The following ABLIM1 variants were observed in gnomAD, a reference collection of about 807,000 sequenced individuals.
The protein encoded by ABLIM1 is actin binding LIM protein 1.
In ABLIM1, 40 loss-of-function variants were observed where a neutral mutation model predicts 107.0. That is an observed-to-expected ratio of 0.37 (90% CI 0.29 to 0.49). The LOEUF (loss-of-function observed/expected upper bound fraction) is 0.49, where lower values mean the gene tolerates loss of function less well. Ranked by LOEUF, ABLIM1 falls within the 20% of genes least tolerant of loss-of-function variation. ABLIM1 has a pLI of 0.97. For synonymous variants in ABLIM1, 357 were observed against 357.3 expected (o/e 1.00, Z 0.01); for missense variants, 857 against 1,008.5 (o/e 0.85, Z 2.04).
intron 18 of ABLIM1, 133 bp downstream of exon 18, chr10:114,441,589 A>C: frequency 1.3e-6 from 1 of 744,848 alleles, no homozygotes; most frequent in Non-Finnish European, 2.2e-6. Flanking sequence ...CTAGGCAACC[A>C]GGGAGGTTAA....
rs139622233 is a variant in ABLIM1 at position 114,705,707 on chromosome 10, C to T, written c.-213+62354G>A. On this transcript the variant is annotated intron_variant, in intron 1 of 15. Coordinates refer to the ABLIM1 transcript ENST00000651092. ...AGTCTCTCTAAAATTCAGTGCAATG[C>T]CAAAGCAGAAAAGGTTAAGAAACTG... Among the ~76,000 whole-genome samples, 66 of 152,206 alleles carry T rather than the reference C, an allele frequency of 4.3e-4. 1 individual carries two copies. The East Asian group carries it at 6.4e-3, about 15-fold the overall frequency.
intron 1 of ABLIM1, among the ~76,000 whole-genome samples, chr10:114,639,010 A>T (rs1252370129): frequency 1.3e-5 from 2 of 152,214 alleles, no homozygotes; most frequent in Non-Finnish European, 2.9e-5. Context: ...AGTTAAAATT[A>T]AAAACAATTT....
At chr10:114,790,301 T>A in the ABLIM1 span, among the ~76,000 whole-genome samples, 2 of 151,342 alleles carry the variant, frequency 1.3e-5, no homozygotes, top group East Asian at 3.9e-4. Flanking sequence ...GTCAAAATTA[T>A]AAGAGCAGAT....
intron 1 of ABLIM1, among the ~76,000 whole-genome samples, chr10:114,761,315 T>C (rs1415690108): frequency 6.7e-6 from 1 of 149,430 alleles, no homozygotes; most frequent in Admixed American, 6.7e-5. Flanking sequence ...TCCGCCCACA[T>C]TCTAACCTTG....
intron 4 of ABLIM1, among the ~76,000 whole-genome samples, chr10:114,559,438 C>CAAAAAAAAAAAAAAAA (rs72456292): frequency 1.6e-4 from 8 of 49,324 alleles, no homozygotes; most frequent in East Asian, 6.3e-4. Flanking sequence ...ACTCGTCTCT[C>CAAAAAAAAAAAAAAAA]AAAAAAAAAA....
intron 2 of ABLIM1, among the ~76,000 whole-genome samples, chr10:114,601,454 C>T (rs935538778): frequency 3.3e-5 from 5 of 151,894 alleles, no homozygotes; most frequent in Admixed American, 1.3e-4. Context: ...TTAGTAGAGA[C>T]GGGGTTTCAC....
chr10:114,733,437 C>T (rs10885601), intron 1 of ABLIM1, among the ~76,000 whole-genome samples: 76,912 of 152,018 alleles, frequency 0.51, 20,469 homozygotes, highest in South Asian at 0.59. Flanking sequence ...CAAAAACATG[C>T]CCTTTGAAGA....
At chr10:114,664,715 T>C (rs926315491) in intron 1 of ABLIM1, among the ~76,000 whole-genome samples, 7 of 151,536 alleles carry the variant, frequency 4.6e-5, no homozygotes, top group African/African-American at 1.7e-4. Context: ...GGCTAATTTT[T>C]GTATTTTTAG....
chr10:114,589,293 G>T (rs1371746071), intron 2 of ABLIM1, among the ~76,000 whole-genome samples: 1 of 150,938 alleles, frequency 6.6e-6, no homozygotes, highest in Non-Finnish European at 1.5e-5. Flanking sequence ...ACTGTGGGAG[G>T]CTGAGGCAGG....
intron 6 of ABLIM1, among the ~76,000 whole-genome samples, chr10:114,502,852 A>G (rs2060612876): frequency 6.6e-6 from 1 of 152,218 alleles, no homozygotes. Flanking sequence ...AACATACTCT[A>G]TAACCAGCAC....
the ABLIM1 span, among the ~76,000 whole-genome samples, chr10:114,781,637 CGTGT>C: frequency 1.4e-4 from 19 of 135,292 alleles, no homozygotes; most frequent in African/African-American, 5.0e-4. Flanking sequence ...TATATATGCA[CGTGT>C]GTGTGTGTAT....
intron 6 of ABLIM1, among the ~76,000 whole-genome samples, chr10:114,528,679 C>G (rs768307346): frequency 6.6e-6 from 1 of 152,222 alleles, no homozygotes; most frequent in Non-Finnish European, 1.5e-5. Flanking sequence ...CCTCCTGAAT[C>G]AGAATGTCTG....
chr10:114,675,663 A>G (rs2080449705), intron 1 of ABLIM1, among the ~76,000 whole-genome samples: 3 of 152,198 alleles, frequency 2.0e-5, no homozygotes, highest in Non-Finnish European at 4.4e-5. Context: ...GCTTACCAGG[A>G]CCTTATGCAT....
chr10:114,441,022 A>G lies in ABLIM1; in HGVS notation c.2054T>C (p.Val685Ala). 1 of 1,587,744 alleles carries G rather than the reference A, an allele frequency of 6.3e-7. No individual in the cohort carries two copies. Among genetic ancestry groups the G allele is most frequent in the Non-Finnish European group, 8.6e-7 (1 of 1,165,944 alleles). ...CCTGGCCATGGGAGCCTCACCTCGC[A>G]CTCCCCCGCTGACATCCCCATAGCT... ...YNSYGDVSGG[V>A]RDYQTLPDGH... Residue 685 changes from valine to alanine, a missense_variant, in exon 19 of 23, where the codon GTG becomes GCG. Physicochemically the swap from Val to Ala is moderately conservative, Grantham distance 64 (BLOSUM62 0). This residue lies in a region of ABLIM1 where 193 missense variants were observed against 208.5 expected (regional missense o/e 0.93). Transcript: ENST00000533213.
intron 1 of ABLIM1, among the ~76,000 whole-genome samples, chr10:114,757,690 A>G (rs1175980928): frequency 6.6e-6 from 1 of 152,184 alleles, no homozygotes; most frequent in African/African-American, 2.4e-5. Context: ...CCATTACGGT[A>G]GCCTCCTAAC....
intron 12 of ABLIM1, among the ~76,000 whole-genome samples, chr10:114,453,748 A>C (rs2062291533): frequency 6.6e-6 from 1 of 152,198 alleles, no homozygotes; most frequent in South Asian, 2.1e-4. Flanking sequence ...ATGCATTGAA[A>C]GCTGTGAGCT....
At chr10:114,764,563 A>C (rs577187431) in intron 1 of ABLIM1, among the ~76,000 whole-genome samples, 3 of 152,136 alleles carry the variant, frequency 2.0e-5, no homozygotes, top group Non-Finnish European at 4.4e-5. Flanking sequence ...GCTGGTCTTA[A>C]ACTCCTGGCC....
rs919856520 is a variant in ABLIM1, at chr10:114,583,043, A to G, written c.380-7444T>C. On this transcript the variant is annotated intron_variant, in intron 2 of 22. Coordinates refer to ENST00000533213, the MANE Select transcript of ABLIM1 (RefSeq NM_002313.7). The stretch of plus-strand genomic sequence containing the variant: ...TAATTAAACTAAAGAGCTTCTGCAC[A>G]GCAAAACAAACTATCAACAGAGTAA... Among the ~76,000 whole-genome samples, 5 of 152,182 alleles carry G rather than the reference A, an allele frequency of 3.3e-5. No individual in the cohort carries two copies. In the East Asian group the frequency reaches 9.7e-4, roughly 29 times the overall value.
intron 1 of ABLIM1, among the ~76,000 whole-genome samples, chr10:114,767,859 G>A (rs2082938853): frequency 6.6e-6 from 1 of 152,150 alleles, no homozygotes; most frequent in Admixed American, 6.5e-5. Context: ...TGGCCCTTAG[G>A]CTCGCCCACA....
Sources: allele counts gnomAD v4.1 joint callset (sites outside exome capture counted in the v4.1 genomes callset), GRCh38; gene constraint gnomAD v4.1.1; regional missense constraint gnomAD v4.1.1; transcripts MANE v1.5; gene names NCBI Gene and HGNC (gene_info 2026-07-23, HGNC 2026-07-21).